Variants in KIF27 observed in about 807,000 individuals in gnomAD.
The protein encoded by KIF27 is kinesin family member 27.
In KIF27, 84 loss-of-function variants were observed where a neutral mutation model predicts 141.8. That is an observed-to-expected ratio of 0.59 (90% CI 0.50 to 0.71). KIF27 has a LOEUF of 0.71. Ranked by LOEUF, KIF27 falls within the 30% of genes least tolerant of loss-of-function variation. The pLI, the probability that KIF27 is intolerant of heterozygous loss-of-function variation, is 0.00. For synonymous variants in KIF27, 471 were observed against 569.5 expected, an observed-to-expected ratio of 0.83 and a Z score of 2.46; for missense variants, 1,306 against 1,628.4, an observed-to-expected ratio of 0.80 and a Z score of 3.41.
chr9:83,899,822 C>T lies in KIF27; in HGVS notation c.1459-18G>A. 1 of 1,588,248 alleles carries T rather than the reference C, an allele frequency of 6.3e-7. No individual in the cohort carries two copies. The highest frequency in any genetic ancestry group is 8.6e-7 in the Non-Finnish European group (1 of 1,164,950). ...AGCACACACTAGTGGGGAAAGAAAG[C>T]ACAAGTGACATTCACCACAGAAAAT... On this transcript the variant is annotated intron_variant, in intron 4 of 17. Coordinates refer to ENST00000297814, the MANE Select transcript of KIF27 (RefSeq NM_017576.4).
At chr9:83,859,679 T>C (rs1044078617) in intron 13 of KIF27, 8 of 280,734 alleles carry the variant, frequency 2.8e-5, no homozygotes, top group African/African-American at 1.8e-4. Flanking sequence ...TTACAGGTGC[T>C]CATCACCATG....
In KIF27 at chr9:83,915,365, T is replaced by C. The variant is rs555892893; in HGVS notation, c.227A>G (p.Tyr76Cys). The C allele has an allele frequency of 1.5e-5, 25 of 1,613,872 alleles. No individual in the cohort carries two copies. The highest frequency in any genetic ancestry group is 1.1e-4 in the African/African-American group (8 of 75,048). The part of the protein sequence containing the change: ...KPLVLSLIEG[Y>C]NATVFAYGQT... Reference sequence around the variant, plus strand: ...TCCATAGGCAAAAACAGTTGCATTATAGCCCTCAATGAGTGACAACACTAG... The same window carrying C: ...TCCATAGGCAAAAACAGTTGCATTACAGCCCTCAATGAGTGACAACACTAG... The change falls in exon 2 of 18, where the codon TAT (tyrosine) becomes TGT (cysteine). Residue 76 changes from tyrosine (Y) to cysteine (C), a missense_variant. Tyr to Cys is a radical substitution (Grantham distance 194). Around this residue, in one of 4 missense-constraint regions of KIF27, gnomAD observed 533 missense variants for 565.6 expected, o/e 0.94. Coordinates refer to ENST00000297814, the MANE Select transcript of KIF27 (RefSeq NM_017576.4).
At chr9:83,846,789 A>G (rs1421855073) in intron 16 of KIF27, among the ~76,000 whole-genome samples, 1 of 152,178 alleles carries the variant, frequency 6.6e-6, no homozygotes, top group Non-Finnish European at 1.5e-5. Context: ...AGGAAGAAAC[A>G]CTGCCACCAG....
chr9:83,864,459 T>C (rs1950194248), intron 13 of KIF27, among the ~76,000 whole-genome samples: 1 of 152,236 alleles, frequency 6.6e-6, no homozygotes, highest in African/African-American at 2.4e-5. Context: ...AGCAGGTTGT[T>C]CAGTTTCCAT....
chr9:83,891,306 C>G lies in KIF27; in HGVS notation c.1798G>C (p.Asp600His), dbSNP rs1212447189. Reference protein sequence around the residue: ...GHYIYIPSRQDSRKVHTSPPM... With the variant: ...GHYIYIPSRQHSRKVHTSPPM... Reference sequence around the variant, plus strand: ...TGTTTGGACTTTACCTTCCTGGAATCTTGTCTTGATGGGATATAAATATAA... The same window carrying G: ...TGTTTGGACTTTACCTTCCTGGAATGTTGTCTTGATGGGATATAAATATAA... The change falls in exon 6 of 18, where the codon GAT becomes CAT. Residue 600 changes from aspartate to histidine, a missense_variant. Physicochemically the swap from Asp to His is moderately conservative, Grantham distance 81. Coordinates refer to ENST00000297814, the MANE Select transcript of KIF27 (RefSeq NM_017576.4). 2 of 1,610,944 alleles carry G rather than the reference C, an allele frequency of 1.2e-6. No homozygotes were observed. Among genetic ancestry groups the G allele is most frequent in the Admixed American group, 3.4e-5 (2 of 59,684 alleles).
At chr9:83,882,446 C>G (rs1486132476) in intron 10 of KIF27, among the ~76,000 whole-genome samples, 3 of 152,180 alleles carry the variant, frequency 2.0e-5, no homozygotes, top group African/African-American at 7.2e-5. Flanking sequence ...TTTTACCTTT[C>G]TAAACCTTTC....
At chr9:83,865,408 C>G (rs1950275900) in intron 13 of KIF27, among the ~76,000 whole-genome samples, 1 of 152,030 alleles carries the variant, frequency 6.6e-6, no homozygotes, top group African/African-American at 2.4e-5. Context: ...AGTGATTGTC[C>G]TGCCTCAGCT....
At chr9:83,920,263 G>C (rs1352882613) in intron 1 of KIF27, among the ~76,000 whole-genome samples, 3 of 152,074 alleles carry the variant, frequency 2.0e-5, no homozygotes, top group Non-Finnish European at 4.4e-5. Context: ...CAAACATAGG[G>C]CTTGTAAAAC....
chr9:83,896,167 C>T (rs1176779199), intron 5 of KIF27, among the ~76,000 whole-genome samples: 10 of 151,842 alleles, frequency 6.6e-5, no homozygotes, highest in South Asian at 2.1e-4. Context: ...CGCTTGAGCC[C>T]GGGAGGCAGA....
At chr9:83,897,645 A>C (rs1231316246) in intron 5 of KIF27, among the ~76,000 whole-genome samples, 1 of 152,254 alleles carries the variant, frequency 6.6e-6, no homozygotes, top group Non-Finnish European at 1.5e-5. Flanking sequence ...ACTCTTCATC[A>C]AAGATACCAC....
intron 13 of KIF27, among the ~76,000 whole-genome samples, chr9:83,866,085 C>G (rs1244282644): frequency 6.6e-6 from 1 of 152,026 alleles, no homozygotes; most frequent in African/African-American, 2.4e-5. Flanking sequence ...TTTGCTGTGC[C>G]TGGTTCAATC....
At chr9:83,917,389 C>T (rs913973100) in intron 1 of KIF27, among the ~76,000 whole-genome samples, 1 of 151,984 alleles carries the variant, frequency 6.6e-6, no homozygotes, top group Non-Finnish European at 1.5e-5. Context: ...GTCAGTATTC[C>T]CCAAATTATC....
In KIF27 at chr9:83,903,243, T is replaced by C. The variant is rs769002709; in HGVS notation, c.1275A>G (p.Leu425=). 1.9e-6 allele frequency: 3 copies of C among 1,614,196 alleles called. No homozygotes were observed. In the Admixed American group the frequency reaches 5.0e-5, roughly 27 times the overall value. Residue 425 remains leucine, a synonymous_variant, in exon 4 of 18, where the codon CTA becomes CTG. Coordinates refer to ENST00000297814, the MANE Select transcript of KIF27 (RefSeq NM_017576.4). The stretch of plus-strand genomic sequence containing the variant: ...TTTCGTTTAGTCTGACAGTATCTTT[T>C]AGGTCAACCAGGAAGGTAAAGGCTT... ...VEEAFTFLVD[L]KDTVRLNEKQ...
intron 16 of KIF27, 141 bp downstream of exon 16, chr9:83,849,958 A>C: frequency 1.4e-6 from 1 of 718,432 alleles, no homozygotes; most frequent in Non-Finnish European, 2.4e-6. Flanking sequence ...GCGGCAACCA[A>C]AACATGTAAA....
intron 13 of KIF27, among the ~76,000 whole-genome samples, chr9:83,866,451 C>T (rs1428708533): frequency 6.6e-6 from 1 of 152,012 alleles, no homozygotes; most frequent in Non-Finnish European, 1.5e-5. Flanking sequence ...ATTTGCTTTC[C>T]ATCTTTTCTT....
chr9:83,908,746 T>C (rs369351626), intron 2 of KIF27, 94 bp from the exon 3 acceptor site: 1 of 704,888 alleles, frequency 1.4e-6, no homozygotes, highest in Non-Finnish European at 2.2e-6. Context: ...ACTACATTTC[T>C]ATATATTATA....
intron 16 of KIF27, among the ~76,000 whole-genome samples, chr9:83,846,662 A>G (rs1466834539): frequency 6.6e-6 from 1 of 152,192 alleles, no homozygotes; most frequent in African/African-American, 2.4e-5. Flanking sequence ...TCCAGGGACC[A>G]AGGGGTGGAA....
At chr9:83,855,887 T>A (rs1949144960) in intron 14 of KIF27, among the ~76,000 whole-genome samples, 1 of 152,178 alleles carries the variant, frequency 6.6e-6, no homozygotes, top group Admixed American at 6.5e-5. Flanking sequence ...TGGATCTAAG[T>A]TAAGGAAGTA....
In KIF27 at chr9:83,857,422, C is replaced by T. The variant is rs1949357105; in HGVS notation, c.3150+1734G>A. ...GAGAGGTACACTAAGAAGAACCAAC[C>T]ATGTGGAAGAAAGGTGCATAGAAGC... is the stretch of plus-strand genomic sequence containing the variant. On this transcript the variant is annotated intron_variant, in intron 14 of 17. Coordinates refer to ENST00000297814, the MANE Select transcript of KIF27 (RefSeq NM_017576.4). Among the ~76,000 whole-genome samples, 6 of 152,130 alleles carry T rather than the reference C, an allele frequency of 3.9e-5. No individual in the cohort carries two copies. In the South Asian group the frequency reaches 1.2e-3, roughly 32 times the overall value.
Sources: allele counts gnomAD v4.1 joint callset (sites outside exome capture counted in the v4.1 genomes callset), GRCh38; gene constraint gnomAD v4.1.1; regional missense constraint gnomAD v4.1.1; transcripts MANE v1.5; gene names NCBI Gene and HGNC (gene_info 2026-07-23, HGNC 2026-07-21).